The following ACTR3B variants were observed in gnomAD, a reference collection of about 807,000 sequenced individuals.
The protein encoded by ACTR3B is actin related protein 3B, also known as actin-related protein 3B.
A neutral mutation model predicts 59.0 loss-of-function variants in ACTR3B; 8 were observed. The ratio of observed to expected loss-of-function variants is 0.14; its 90% CI spans 0.08 to 0.24. The LOEUF is 0.24. Among genes scored for constraint, ACTR3B ranks in the 10% least tolerant of loss-of-function variants. The pLI is 1.00. For synonymous variants in ACTR3B, 148 were observed against 197.9 expected, an observed-to-expected ratio of 0.75 and a Z score of 2.12; for missense variants, 245 against 552.3, an observed-to-expected ratio of 0.44 and a Z score of 5.58.
At chr7:152,787,176 A>AT (rs766300131) in intron 2 of ACTR3B, among the ~76,000 whole-genome samples, 2 of 152,144 alleles carry the variant, frequency 1.3e-5, no homozygotes, top group Non-Finnish European at 2.9e-5. Context: ...TGTTTCATAG[A>AT]TTCTTGATAA....
intron 1 of ACTR3B, among the ~76,000 whole-genome samples, chr7:152,782,612 G>A (rs2098158198): frequency 6.6e-6 from 1 of 151,974 alleles, no homozygotes; most frequent in Admixed American, 6.6e-5. Flanking sequence ...CTGTTTCTTA[G>A]ACATATGCCA....
chr7:152,845,491 C>G (rs182461466), intron 9 of ACTR3B, among the ~76,000 whole-genome samples: 1 of 152,372 alleles, frequency 6.6e-6, no homozygotes, highest in East Asian at 1.9e-4. Flanking sequence ...CCGCAAGGAG[C>G]TCTATTCCGT....
intron 9 of ACTR3B, among the ~76,000 whole-genome samples, chr7:152,825,769 A>G (rs1170560298): frequency 6.6e-6 from 1 of 152,284 alleles, no homozygotes; most frequent in African/African-American, 2.4e-5. Context: ...CGTTTCATGC[A>G]TATTTGGGTT....
chr7:152,820,270 C>T (rs373528674), intron 6 of ACTR3B, 29 bp from the exon 7 acceptor site: 445 of 1,574,930 alleles, frequency 2.8e-4, no homozygotes, highest in Non-Finnish European at 3.7e-4. Flanking sequence ...ATCACTAACA[C>T]AGCTGTTCTG....
At chr7:152,825,428 C>T (rs1796492629) in intron 9 of ACTR3B, among the ~76,000 whole-genome samples, 1 of 152,140 alleles carries the variant, frequency 6.6e-6, no homozygotes, top group Non-Finnish European at 1.5e-5. Flanking sequence ...TCTCCTGCCT[C>T]AGCCTCCTGA....
intron 9 of ACTR3B, among the ~76,000 whole-genome samples, chr7:152,847,555 G>A (rs1195660989): frequency 1.3e-5 from 2 of 152,170 alleles, no homozygotes; most frequent in African/African-American, 2.4e-5. Flanking sequence ...TTGCCTTTTA[G>A]TGTGGAAAAT....
chr7:152,777,177 G>A (rs1415283248), intron 1 of ACTR3B, among the ~76,000 whole-genome samples: 2 of 152,068 alleles, frequency 1.3e-5, no homozygotes, highest in African/African-American at 4.8e-5. Context: ...TATCACCTGT[G>A]TATAATTTAC....
chr7:152,815,945 TC>T lies in ACTR3B; in HGVS notation c.433-535del, dbSNP rs1795656776. ...TTGTAAAACTTTAGTTTTTTTTTTTTCTTTCCTTTTTTTATTTTTGAGACAA... is the reference window on the plus strand; with the variant it reads ...TTGTAAAACTTTAGTTTTTTTTTTTTTTTCCTTTTTTTATTTTTGAGACAA... On this transcript the variant is annotated intron_variant, in intron 5 of 11. Transcript: ENST00000256001. Among the ~76,000 whole-genome samples, 3 of 152,226 alleles carry T rather than the reference TC, an allele frequency of 2.0e-5. No homozygotes were observed. In the South Asian group the frequency reaches 6.2e-4, roughly 32 times the overall value.
At chr7:152,788,988 C>T (rs543247020) in intron 2 of ACTR3B, among the ~76,000 whole-genome samples, 10 of 152,278 alleles carry the variant, frequency 6.6e-5, no homozygotes, top group African/African-American at 2.2e-4. Flanking sequence ...CGTCACCGCA[C>T]TCCAGCCTGG....
chr7:152,787,834 C>G (rs1423409651), intron 2 of ACTR3B, among the ~76,000 whole-genome samples: 2 of 151,656 alleles, frequency 1.3e-5, no homozygotes, highest in East Asian at 3.9e-4. Context: ...TTTTTTTTCT[C>G]AGAATAGCTT....
chr7:152,853,755 C>T (rs1221719523), intron 11 of ACTR3B, among the ~76,000 whole-genome samples, 178 bp downstream of exon 11: 3 of 152,056 alleles, frequency 2.0e-5, no homozygotes, highest in South Asian at 2.1e-4. Context: ...CTCACTCTGT[C>T]GCCCAGGCTG....
At position 152,854,895 on chromosome 7, in the gene ACTR3B, G is replaced by A. The variant is rs569319164; in HGVS notation, c.*342G>A. 1.9e-5 allele frequency: 4 copies of A among 216,164 alleles called. No individual in the cohort carries two copies. Among genetic ancestry groups the A allele is most frequent in the Admixed American group, 5.6e-5 (1 of 17,744 alleles). 13.4% of individuals were successfully genotyped at this position (216,164 alleles called of 1,614,324 possible). ...CAACATTAGAAAATGGCGCAAAATC[G>A]TTAGGTCCCAGGAGAGAATGTGGGG... On this transcript the variant is annotated 3_prime_UTR_variant, in exon 12 of 12. Transcript: ENST00000256001. This position sits in a 1 kb window ranked among gnomAD's most constrained non-coding sequence, Gnocchi z 4.9.
At position 152,824,940 on chromosome 7, in the gene ACTR3B, A is replaced by T; in HGVS notation, c.859-90A>T. The T allele has an allele frequency of 7.6e-7, 1 of 1,317,112 alleles. No individual in the cohort carries two copies. Among genetic ancestry groups the T allele is most frequent in the East Asian group, 2.5e-5 (1 of 39,370 alleles). The allele number at this position is 1,317,112 out of a possible 1,614,324, so 81.6% of individuals were successfully genotyped here. A position where few individuals can be genotyped will look rare whatever the true frequency, so the allele number is the denominator to read the frequency against. On this transcript the variant is annotated intron_variant, in intron 8 of 11. Transcript: ENST00000256001. This position sits in a 1 kb window ranked among gnomAD's most constrained non-coding sequence, Gnocchi z 4.2. The stretch of plus-strand genomic sequence containing the variant: ...ATTCTTTTAAGTTATAATAAATTGT[A>T]TATTTGTTAAAGTTACTTTAAAGAA...
chr7:152,815,695 C>T (rs1795637454), intron 5 of ACTR3B, among the ~76,000 whole-genome samples: 1 of 152,086 alleles, frequency 6.6e-6, no homozygotes, highest in South Asian at 2.1e-4. Flanking sequence ...GAAAATGGTA[C>T]CAGATATTGT....
In ACTR3B at chr7:152,759,781, G is replaced by C; in HGVS notation, c.-102G>C. 1 of 949,724 alleles carries C rather than the reference G, an allele frequency of 1.1e-6. No individual in the cohort carries two copies. Among genetic ancestry groups the C allele is most frequent in the Non-Finnish European group, 1.3e-6 (1 of 769,314 alleles). The allele number at this position is 949,724 out of a possible 1,614,324, so 58.8% of individuals were successfully genotyped here. The stretch of plus-strand genomic sequence containing the variant: ...GGGCTCCCGGCAGCGGCGCTGCGGC[G>C]GCTCGCGGGAGACGCTGCGCGCGGG... On this transcript the variant is annotated 5_prime_UTR_variant, in exon 1 of 12. Coordinates refer to ENST00000256001, the MANE Select transcript of ACTR3B (RefSeq NM_020445.6).
At chr7:152,835,298 G>A (rs180670959) in intron 9 of ACTR3B, among the ~76,000 whole-genome samples, 206 of 152,258 alleles carry the variant, frequency 1.4e-3, no homozygotes, top group African/African-American at 4.8e-3. Flanking sequence ...CCTTACACAG[G>A]CTGAAGTGTA....
intron 1 of ACTR3B, among the ~76,000 whole-genome samples, chr7:152,778,420 T>C (rs986548611): frequency 1.3e-4 from 19 of 151,750 alleles, no homozygotes; most frequent in Admixed American, 1.2e-3. Context: ...TATTTTAGTA[T>C]AGAGATGGGG....
At chr7:152,836,458 G>A (rs575432422) in intron 9 of ACTR3B, among the ~76,000 whole-genome samples, 1 of 152,024 alleles carries the variant, frequency 6.6e-6, no homozygotes, top group Non-Finnish European at 1.5e-5. Context: ...GTGGTGGAAC[G>A]CACCTGTGGT....
chr7:152,834,515 A>G (rs1039975321), intron 9 of ACTR3B, among the ~76,000 whole-genome samples: 4 of 152,354 alleles, frequency 2.6e-5, no homozygotes, highest in South Asian at 4.1e-4. Flanking sequence ...AAATAGGTAG[A>G]TAGATATGTC....
Sources: allele counts gnomAD v4.1 joint callset (sites outside exome capture counted in the v4.1 genomes callset), GRCh38; gene constraint gnomAD v4.1.1; non-coding constraint Gnocchi (gnomAD v3.1); transcripts MANE v1.5; gene names NCBI Gene and HGNC (gene_info 2026-07-23, HGNC 2026-07-21).